The following ATE1 variants were observed in gnomAD, a reference collection of about 807,000 sequenced individuals.
ATE1 encodes arginyltransferase 1.
ATE1 carries 36 observed loss-of-function variants against 70.5 expected under a neutral mutation model. The ratio of observed to expected loss-of-function variants is 0.51; its 90% CI spans 0.39 to 0.67. The LOEUF (loss-of-function observed/expected upper bound fraction) is 0.67, where lower values mean the gene tolerates loss of function less well. ATE1 is among the 30% of genes least tolerant of loss of function. ATE1 has a pLI of 0.00. For synonymous variants in ATE1, 232 were observed against 219.3 expected (o/e 1.06, Z -0.51); for missense variants, 593 against 629.5 (o/e 0.94, Z 0.62).
chr10:121,888,893 T>A (rs1299452216), intron 7 of ATE1, among the ~76,000 whole-genome samples: 1 of 152,240 alleles, frequency 6.6e-6, no homozygotes, highest in East Asian at 1.9e-4. Context: ...AGAGTAGGAT[T>A]CTACTTACAT....
intron 1 of ATE1, 110 bp downstream of exon 1, chr10:121,927,734 C>G: frequency 7.3e-7 from 1 of 1,366,848 alleles, no homozygotes; most frequent in Non-Finnish European, 9.5e-7. Context: ...CCGTCTCGGC[C>G]GTGGCACTGG....
intron 11 of ATE1, among the ~76,000 whole-genome samples, chr10:121,745,498 C>T (rs750195844): frequency 4.6e-5 from 7 of 152,012 alleles, no homozygotes; most frequent in Non-Finnish European, 7.4e-5. Flanking sequence ...GGGCAAATCA[C>T]GAGGTCAGGA....
At chr10:121,907,755 C>T (rs893637873) in intron 5 of ATE1, among the ~76,000 whole-genome samples, 10 of 150,582 alleles carry the variant, frequency 6.6e-5, no homozygotes, top group Non-Finnish European at 1.2e-4. Context: ...GGTGACAGAG[C>T]GAGACTCCGT....
intron 10 of ATE1, among the ~76,000 whole-genome samples, chr10:121,796,180 C>T (rs1160807458): frequency 3.3e-5 from 5 of 151,968 alleles, no homozygotes; most frequent in Non-Finnish European, 5.9e-5. Context: ...AGAAATTCAG[C>T]CGTCCAACAA....
At chr10:121,906,041 A>C (rs541798972) in intron 5 of ATE1, among the ~76,000 whole-genome samples, 14 of 152,294 alleles carry the variant, frequency 9.2e-5, no homozygotes, top group South Asian at 2.1e-4. Flanking sequence ...AGTTTAGGAG[A>C]CCTACATAAT....
At chr10:121,847,752 G>A in intron 8 of ATE1, among the ~76,000 whole-genome samples, 2 of 71,886 alleles carry the variant, frequency 2.8e-5, no homozygotes, top group African/African-American at 6.7e-5. Flanking sequence ...GCGAGACTCT[G>A]TCTCAAAAAA....
At chr10:121,751,298 T>C (rs1197940709) in intron 11 of ATE1, among the ~76,000 whole-genome samples, 1 of 152,242 alleles carries the variant, frequency 6.6e-6, no homozygotes, top group Non-Finnish European at 1.5e-5. Flanking sequence ...AATTCACCCA[T>C]TTAAATTATA....
At chr10:121,887,209 C>G (rs1950430622) in intron 7 of ATE1, among the ~76,000 whole-genome samples, 1 of 152,242 alleles carries the variant, frequency 6.6e-6, no homozygotes, top group South Asian at 2.1e-4. Context: ...CGGAGTGAGA[C>G]AGTGGCGCAG....
intron 11 of ATE1, among the ~76,000 whole-genome samples, chr10:121,766,789 T>C (rs1013581486): frequency 4.6e-5 from 7 of 152,096 alleles, no homozygotes; most frequent in African/African-American, 9.7e-5. Context: ...ATTAAATTTA[T>C]AATTAAAAAT....
At chr10:121,808,351 A>G (rs1473246184) in intron 10 of ATE1, among the ~76,000 whole-genome samples, 1 of 152,226 alleles carries the variant, frequency 6.6e-6, no homozygotes, top group Non-Finnish European at 1.5e-5. Context: ...AATGAAAAGC[A>G]GTCCATGAAG....
Position 121,820,979 on chromosome 10 carries a change from T to C in ATE1, c.1257+15739A>G, listed in dbSNP as rs532614788. Among the ~76,000 whole-genome samples the C allele has an allele frequency of 4.5e-3, 683 of 152,342 alleles. 4 individuals are homozygous for C. The highest frequency in any genetic ancestry group is 0.012 in the African/African-American group (491 of 41,594). On this transcript the variant is annotated intron_variant, in intron 10 of 11. Coordinates refer to ENST00000224652, the MANE Select transcript of ATE1 (RefSeq NM_001001976.3). ...TTTTTTGAGATGGAGTCTCGTTCTG[T>C]CGCCCAGGCTGGAGCGCAGTGGCGC...
chr10:121,910,072 T>G (rs1951359281), intron 5 of ATE1, among the ~76,000 whole-genome samples: 1 of 152,188 alleles, frequency 6.6e-6, no homozygotes, highest in South Asian at 2.1e-4. Context: ...TTTCTTGAAC[T>G]ATTAGTATTA....
intron 4 of ATE1, among the ~76,000 whole-genome samples, chr10:121,912,829 T>C (rs1183235053): frequency 6.6e-6 from 1 of 151,038 alleles, no homozygotes; most frequent in Non-Finnish European, 1.5e-5. Context: ...ACTGCAGCCT[T>C]GACCTCCCTG....
chr10:121,860,786 A>G (rs561528341), intron 8 of ATE1, among the ~76,000 whole-genome samples: 1 of 152,262 alleles, frequency 6.6e-6, no homozygotes, highest in Non-Finnish European at 1.5e-5. Context: ...GCACTGTCAA[A>G]AAGGCTAAGT....
At chr10:121,838,237 G>A (rs1158650094) in intron 9 of ATE1, among the ~76,000 whole-genome samples, 1 of 151,846 alleles carries the variant, frequency 6.6e-6, no homozygotes, top group Non-Finnish European at 1.5e-5. Context: ...CCCCAGCAGT[G>A]GGTTGGCACC....
At chr10:121,806,143 A>G (rs1035337997) in intron 10 of ATE1, among the ~76,000 whole-genome samples, 1 of 152,234 alleles carries the variant, frequency 6.6e-6, no homozygotes, top group South Asian at 2.1e-4. Context: ...AAGGAAACTC[A>G]AATGATACTT....
intron 4 of ATE1, among the ~76,000 whole-genome samples, chr10:121,912,220 A>G (rs900265253): frequency 1.3e-5 from 2 of 152,030 alleles, no homozygotes; most frequent in African/African-American, 4.8e-5. Flanking sequence ...TCTTTCTTTT[A>G]GTTATTGCAT....
chr10:121,820,029 C>A (rs1014034166), intron 10 of ATE1, among the ~76,000 whole-genome samples: 2 of 151,974 alleles, frequency 1.3e-5, no homozygotes, highest in African/African-American at 4.8e-5. Context: ...GCCTGTAATT[C>A]CAGCTACCAG....
At chr10:121,858,388 T>C (rs1949327573) in intron 8 of ATE1, among the ~76,000 whole-genome samples, 1 of 152,028 alleles carries the variant, frequency 6.6e-6, no homozygotes, top group Non-Finnish European at 1.5e-5. Flanking sequence ...TATGAAGTGA[T>C]ATCTCATTTT....
Sources: gnomAD v4.1 joint callset for allele counts (sites outside exome capture counted in the v4.1 genomes callset) on GRCh38, gnomAD v4.1.1 for gene constraint, MANE v1.5 for transcripts, NCBI Gene and HGNC (gene_info 2026-07-23, HGNC 2026-07-21) for gene names.